ELAPOR2: variants seen among roughly 807,000 people sequenced by gnomAD.
The protein encoded by ELAPOR2 is endosome-lysosome associated apoptosis and autophagy regulator family member 2.
ELAPOR2 carries 89 observed loss-of-function variants against 120.7 expected under a neutral mutation model. That is an observed-to-expected ratio of 0.74 (90% CI 0.62 to 0.88). The LOEUF is 0.88. ELAPOR2 is among the 40% of genes least tolerant of loss of function. The pLI is 0.00. For synonymous variants in ELAPOR2, 444 were observed against 444.9 expected (o/e 1.00, Z 0.03); for missense variants, 1,134 against 1,251.6 (o/e 0.91, Z 1.42).
intron 1 of ELAPOR2, among the ~76,000 whole-genome samples, chr7:87,038,972 G>A (rs1306985955): frequency 2.6e-5 from 4 of 151,384 alleles, no homozygotes; most frequent in Non-Finnish European, 5.9e-5. Context: ...AACGATCAAT[G>A]AAACAAAAAG....
rs1028296131 is a variant in ELAPOR2, at chr7:86,912,058, C to T, written c.2169+14G>A. The T allele has an allele frequency of 6.3e-7, 1 of 1,592,396 alleles. No individual in the cohort carries two copies. Reference sequence around the variant, plus strand: ...GAAATATAGGTCCATCTCACCTTGACAGCCAGAACTCACCTCATGCCCACA... The same window carrying T: ...GAAATATAGGTCCATCTCACCTTGATAGCCAGAACTCACCTCATGCCCACA... On this transcript the variant is annotated intron_variant, in intron 15 of 21. Coordinates refer to ENST00000450689, the MANE Select transcript of ELAPOR2 (RefSeq NM_001142749.3).
rs756237087 is a variant in ELAPOR2 at position 86,893,036 on chromosome 7, T to C, written c.2750A>G (p.Lys917Arg). The stretch of plus-strand genomic sequence containing the variant: ...GTCAACCGTTTCACAGGTTGCCAAC[T>C]TTTTCTCAGGCAAAGAAATTCCTTT... Reference protein sequence around the residue: ...CIKGISLPEKKLATCETVDFW... With the variant: ...CIKGISLPEKRLATCETVDFW... Residue 917 changes from lysine to arginine, a missense_variant, in exon 20 of 22, where the codon AAG becomes AGG. Lys to Arg is a conservative substitution (Grantham distance 26). This residue lies in a region of ELAPOR2 where 831 missense variants were observed against 867.6 expected (regional missense o/e 0.96). Transcript: ENST00000450689. 1.9e-6 allele frequency: 3 copies of C among 1,585,418 alleles called. No individual in the cohort carries two copies. The highest frequency in any genetic ancestry group is 1.2e-5 in the South Asian group (1 of 85,822).
At chr7:87,017,778 G>A (rs368055761) in intron 1 of ELAPOR2, among the ~76,000 whole-genome samples, 107 of 151,956 alleles carry the variant, frequency 7.0e-4, no homozygotes, top group Non-Finnish European at 4.3e-4. Flanking sequence ...AAAATTAGCC[G>A]GGCATAATGG....
intron 1 of ELAPOR2, among the ~76,000 whole-genome samples, chr7:86,994,836 A>C (rs780661892): frequency 3.3e-5 from 5 of 152,100 alleles, no homozygotes; most frequent in Non-Finnish European, 5.9e-5. Context: ...ACAGGGCTAC[A>C]CTTCCTGACC....
intron 1 of ELAPOR2, among the ~76,000 whole-genome samples, chr7:87,052,967 T>C (rs532755961): frequency 6.6e-6 from 1 of 152,200 alleles, no homozygotes; most frequent in African/African-American, 2.4e-5. Context: ...CAGCTGATTT[T>C]TTTATTTTTT....
intron 20 of ELAPOR2, 135 bp downstream of exon 20, chr7:86,892,787 C>G (rs1384717574): frequency 1.1e-5 from 8 of 702,798 alleles, no homozygotes; most frequent in Non-Finnish European, 1.7e-5. Context: ...AAGGCCTTTC[C>G]TATGATTTCT....
At chr7:86,934,246 A>G (rs1274366063) in intron 8 of ELAPOR2, among the ~76,000 whole-genome samples, 2 of 151,956 alleles carry the variant, frequency 1.3e-5, no homozygotes, top group Non-Finnish European at 2.9e-5. Flanking sequence ...ATGGGCCAAG[A>G]ATACCTAGTA....
intron 3 of ELAPOR2, among the ~76,000 whole-genome samples, chr7:86,945,879 A>G (rs1790978143): frequency 6.6e-6 from 1 of 152,132 alleles, no homozygotes; most frequent in African/African-American, 2.4e-5. Context: ...GGCAAAAACC[A>G]CAAATTGGGA....
chr7:86,896,604 T>G (rs1485276667), intron 19 of ELAPOR2, among the ~76,000 whole-genome samples: 1 of 152,128 alleles, frequency 6.6e-6, no homozygotes, highest in African/African-American at 2.4e-5. Flanking sequence ...AGTGTTGATT[T>G]ATTTTCCTCT....
chr7:86,968,473 A>G (rs1211893773), intron 1 of ELAPOR2, among the ~76,000 whole-genome samples: 1 of 152,202 alleles, frequency 6.6e-6, no homozygotes, highest in Non-Finnish European at 1.5e-5. Flanking sequence ...CAAAACTGGT[A>G]AATATCCAGA....
At chr7:87,045,369 C>A (rs1367350676) in intron 1 of ELAPOR2, among the ~76,000 whole-genome samples, 1 of 149,972 alleles carries the variant, frequency 6.7e-6, no homozygotes, top group Non-Finnish European at 1.5e-5. Context: ...AAATGCCCAA[C>A]AATGATAGAC....
At chr7:87,045,783 A>G (rs1043167024) in intron 1 of ELAPOR2, among the ~76,000 whole-genome samples, 3 of 151,318 alleles carry the variant, frequency 2.0e-5, no homozygotes, top group Non-Finnish European at 4.4e-5. Context: ...TAAAAAATAT[A>G]TATAAAAAAA....
Position 86,914,745 on chromosome 7 carries a change from T to C in ELAPOR2, c.1709A>G (p.Gln570Arg). ...TACATCTTGACCCTGATTAGTTCTC[T>C]GGAATGCCCATGTAAATGTAAAAGT... ...NATFTFTWAFQRTNQGQDNRR... is the reference protein window; with the variant it reads ...NATFTFTWAFRRTNQGQDNRR... Residue 570 changes from glutamine to arginine, a missense_variant, in exon 13 of 22, where the codon CAG becomes CGG. Physicochemically the swap from Gln to Arg is conservative, Grantham distance 43 (BLOSUM62 1). Coordinates refer to ENST00000450689, the MANE Select transcript of ELAPOR2 (RefSeq NM_001142749.3). 1 of 1,610,880 alleles carries C rather than the reference T, an allele frequency of 6.2e-7. No homozygotes were observed. The highest frequency in any genetic ancestry group is 8.5e-7 in the Non-Finnish European group (1 of 1,178,618).
At chr7:86,911,827 G>A in intron 15 of ELAPOR2, 4 of 576,672 alleles carry the variant, frequency 6.9e-6, no homozygotes, top group Non-Finnish European at 1.3e-5. Context: ...TTACACCATA[G>A]CTCCAAGCTT....
chr7:86,900,159 T>TA (rs1035272974), intron 18 of ELAPOR2, among the ~76,000 whole-genome samples: 15 of 151,726 alleles, frequency 9.9e-5, no homozygotes, highest in African/African-American at 3.1e-4. Context: ...AGTAAGGAAA[T>TA]AAAAAACAGT....
intron 1 of ELAPOR2, among the ~76,000 whole-genome samples, chr7:87,017,024 ATAAAT>A (rs1297659525): frequency 3.9e-5 from 6 of 152,198 alleles, no homozygotes; most frequent in Admixed American, 3.9e-4. Context: ...AGTTGGAAAA[ATAAAT>A]TAGAGAGGAA....
chr7:86,901,933 T>C (rs1313859913), intron 18 of ELAPOR2, among the ~76,000 whole-genome samples: 1 of 152,208 alleles, frequency 6.6e-6, no homozygotes, highest in African/African-American at 2.4e-5. Flanking sequence ...GCCCTGAGGC[T>C]AGAGATTACA....
rs1329757078 is a variant in ELAPOR2 at position 86,919,268 on chromosome 7, C to A, written c.1442G>T (p.Gly481Val). ...TAAGATCAGGTAATCATTGTCAGAA[C>A]CTCCAGCCCCACTCTGGATATGATC... is the stretch of plus-strand genomic sequence containing the variant. ...AGDHIQSGAG[G>V]SDNDYLILNL... The change falls in exon 11 of 22, where the codon GGT becomes GTT. Residue 481 changes from glycine to valine, a missense_variant. Gly to Val is a moderately radical substitution (Grantham distance 109). This residue lies in a region of ELAPOR2 where 831 missense variants were observed against 867.6 expected (regional missense o/e 0.96). Transcript: ENST00000450689. 6.2e-7 allele frequency: 1 copy of A among 1,612,136 alleles called. No homozygotes were observed. Among genetic ancestry groups the A allele is most frequent in the Admixed American group, 1.7e-5 (1 of 59,900 alleles).
At chr7:86,987,481 A>G (rs1792788863) in intron 1 of ELAPOR2, among the ~76,000 whole-genome samples, 1 of 152,230 alleles carries the variant, frequency 6.6e-6, no homozygotes. Context: ...ATCTACAAAG[A>G]ACTTAAACAA....
Sources: allele counts gnomAD v4.1 joint callset (sites outside exome capture counted in the v4.1 genomes callset), GRCh38; gene constraint gnomAD v4.1.1; regional missense constraint gnomAD v4.1.1; transcripts MANE v1.5; gene names NCBI Gene and HGNC (gene_info 2026-07-23, HGNC 2026-07-21).